Variants in ASB18 observed in about 807,000 individuals in gnomAD.
The protein encoded by ASB18 is ankyrin repeat and SOCS box containing 18.
A neutral mutation model predicts 33.4 loss-of-function variants in ASB18; 33 were observed. The ratio of observed to expected loss-of-function variants is 0.99; its 90% CI spans 0.75 to 1.32. The LOEUF (loss-of-function observed/expected upper bound fraction) is 1.32, where lower values mean the gene tolerates loss of function less well. ASB18 is among the 40% of genes most tolerant of loss of function. The pLI is 0.00. For missense variants in ASB18, 694 were observed against 655.5 expected (o/e 1.06, Z -0.64); for synonymous variants, 295 against 307.6 (o/e 0.96, Z 0.43).
rs949480755 is a variant in ASB18 at position 236,211,615 on chromosome 2, T to C, written c.1101+2747A>G. Among the ~76,000 whole-genome samples, 1 of 152,182 alleles carries C rather than the reference T, an allele frequency of 6.6e-6. No individual in the cohort carries two copies. Among genetic ancestry groups the C allele is most frequent in the Non-Finnish European group, 1.5e-5 (1 of 68,036 alleles). Reference sequence around the variant, plus strand: ...TACGCTCGGCTCGCCATGGCGCCCGTGTGGTGCCTGCCCAGCATCTTTGTG... The same window carrying C: ...TACGCTCGGCTCGCCATGGCGCCCGCGTGGTGCCTGCCCAGCATCTTTGTG... On this transcript the variant is annotated intron_variant, in intron 4 of 5. Transcript: ENST00000409749. The surrounding 1 kb of genome is among the most constrained non-coding windows in gnomAD (Gnocchi z 5.0).
In ASB18 at chr2:236,256,415, G is replaced by T. The variant is rs1408824375; in HGVS notation, c.205+7726C>A. Among the ~76,000 whole-genome samples, 1 of 152,194 alleles carries T rather than the reference G, an allele frequency of 6.6e-6. No homozygotes were observed. Among genetic ancestry groups the T allele is most frequent in the South Asian group, 2.1e-4 (1 of 4,822 alleles). The stretch of plus-strand genomic sequence containing the variant: ...GTCCAATATCCAGGTGCAGAGGTTG[G>T]CATTAAAAGATAGTGGGGCATTGGA... On this transcript the variant is annotated intron_variant, in intron 1 of 5. Coordinates refer to ENST00000409749, the MANE Select transcript of ASB18 (RefSeq NM_212556.4). The surrounding 1 kb of genome is among the most constrained non-coding windows in gnomAD (Gnocchi z 4.7).
rs547568560 is a variant in ASB18 at position 236,209,195 on chromosome 2, T to C, written c.1101+5167A>G. 6.6e-6 allele frequency among the ~76,000 whole-genome samples: 1 copy of C among 152,178 alleles called. No individual in the cohort carries two copies. The highest frequency in any genetic ancestry group is 1.9e-4 in the East Asian group (1 of 5,174). On this transcript the variant is annotated intron_variant, in intron 4 of 5. Transcript: ENST00000409749. This position sits in a 1 kb window ranked among gnomAD's most constrained non-coding sequence, Gnocchi z 4.4. ...TAGGTAAAAAGAAAACATGAAAACT[T>C]TAGGTCTCCATTTTCAGTATGGTTA...
rs35828724 is a variant in ASB18 at position 236,220,553 on chromosome 2, CT to C, written c.597-5688del. Among the ~76,000 whole-genome samples, 46,643 of 143,982 alleles carry C rather than the reference CT, an allele frequency of 0.32. 12,211 individuals are homozygous for C. The highest frequency in any genetic ancestry group is 0.74 in the African/African-American group (29,008 of 39,340). The allele number at this position is 143,982 out of a possible 152,430, so 94.5% of individuals were successfully genotyped here. On this transcript the variant is annotated intron_variant, in intron 3 of 5. Coordinates refer to ENST00000409749, the MANE Select transcript of ASB18 (RefSeq NM_212556.4). The surrounding 1 kb of genome is among the most constrained non-coding windows in gnomAD (Gnocchi z 5.1). ...TCTTTTGGATTCCCCAGTACTTGGCCTTTTTTTTTTTTTTTAAACAACTATT... is the reference window on the plus strand; with the variant it reads ...TCTTTTGGATTCCCCAGTACTTGGCCTTTTTTTTTTTTTTAAACAACTATT...
intron 1 of ASB18, among the ~76,000 whole-genome samples, chr2:236,254,973 C>A (rs1158996330): frequency 6.6e-6 from 1 of 152,080 alleles, no homozygotes; most frequent in Admixed American, 6.5e-5. Flanking sequence ...GTGTGTAGCA[C>A]TCGCGACCCC....
chr2:236,202,098 C>T (rs1207637216), intron 4 of ASB18, among the ~76,000 whole-genome samples: 8 of 151,894 alleles, frequency 5.3e-5, no homozygotes, highest in Non-Finnish European at 8.8e-5. Flanking sequence ...TACAGGGACC[C>T]GCCATCATGC....
rs941317322 is a variant in ASB18, at chr2:236,252,402, G to A, written c.206-11000C>T. ...CGGTGGAATCAGATCACTGCTATAT[G>A]GAGGTACAGGTGTTAAGATGGGGAT... On this transcript the variant is annotated intron_variant, in intron 1 of 5. Transcript: ENST00000409749. This position sits in a 1 kb window ranked among gnomAD's most constrained non-coding sequence, Gnocchi z 7.9. Among the ~76,000 whole-genome samples the A allele has an allele frequency of 1.3e-5, 2 of 152,020 alleles. No individual in the cohort carries two copies. The highest frequency in any genetic ancestry group is 4.1e-4 in the South Asian group (2 of 4,826).
In ASB18 at chr2:236,263,747, A is replaced by G. The variant is rs111676871; in HGVS notation, c.205+394T>C. On this transcript the variant is annotated intron_variant, in intron 1 of 5. Transcript: ENST00000409749. The surrounding 1 kb of genome is among the most constrained non-coding windows in gnomAD (Gnocchi z 4.0). ...TTTAAGTATTTCAGTAGGGGATTGAAATTGGGAAGACTATGTAGCAACATG... is the reference window on the plus strand; with the variant it reads ...TTTAAGTATTTCAGTAGGGGATTGAGATTGGGAAGACTATGTAGCAACATG... Among the ~76,000 whole-genome samples the G allele has an allele frequency of 1.5e-3, 236 of 152,316 alleles. No individual in the cohort carries two copies. Among genetic ancestry groups the G allele is most frequent in the Non-Finnish European group, 2.2e-3 (152 of 68,022 alleles).
In ASB18 at chr2:236,222,731, A is replaced by G. The variant is rs4476300; in HGVS notation, c.597-7865T>C. Among the ~76,000 whole-genome samples, 73,751 of 152,092 alleles carry G rather than the reference A, an allele frequency of 0.48. 22,106 individuals carry two copies. Among genetic ancestry groups the G allele is most frequent in the African/African-American group, 0.86 (35,740 of 41,508 alleles). ...ATGGGTGATCTGGCTGTTTAAAAGC[A>G]TGTGGCAGCCAGGTGTGGTGGCTCA... On this transcript the variant is annotated intron_variant, in intron 3 of 5. Coordinates refer to ENST00000409749, the MANE Select transcript of ASB18 (RefSeq NM_212556.4). This position sits in a 1 kb window ranked among gnomAD's most constrained non-coding sequence, Gnocchi z 5.5.
intron 3 of ASB18, among the ~76,000 whole-genome samples, chr2:236,233,562 AG>A: frequency 6.6e-6 from 1 of 152,330 alleles, no homozygotes. Context: ...TGAGTTTAGA[AG>A]GGTTATAGGA....
Position 236,235,194 on chromosome 2 carries a change from C to A in ASB18, c.596+2495G>T, listed in dbSNP as rs967961343. Among the ~76,000 whole-genome samples, 4 of 152,198 alleles carry A rather than the reference C, an allele frequency of 2.6e-5. No individual in the cohort carries two copies. Among genetic ancestry groups the A allele is most frequent in the Admixed American group, 2.6e-4 (4 of 15,282 alleles). ...CCCTTATAACAATGGTTTTGGTCAACAACAGACCACATATACAATAGTGGT... is the reference window on the plus strand; with the variant it reads ...CCCTTATAACAATGGTTTTGGTCAAAAACAGACCACATATACAATAGTGGT... On this transcript the variant is annotated intron_variant, in intron 3 of 5. Coordinates refer to ENST00000409749, the MANE Select transcript of ASB18 (RefSeq NM_212556.4). The surrounding 1 kb of genome is among the most constrained non-coding windows in gnomAD (Gnocchi z 6.2).
In ASB18 at chr2:236,262,367, C is replaced by T. The variant is rs918644713; in HGVS notation, c.205+1774G>A. The stretch of plus-strand genomic sequence containing the variant: ...CACTTACAGGTGGCAGCAGCCACAG[C>T]GGATGGCCATTCCTAACCCTGTACC... On this transcript the variant is annotated intron_variant, in intron 1 of 5. Coordinates refer to ENST00000409749, the MANE Select transcript of ASB18 (RefSeq NM_212556.4). The surrounding 1 kb of genome is among the most constrained non-coding windows in gnomAD (Gnocchi z 5.2). 2.6e-5 allele frequency among the ~76,000 whole-genome samples: 4 copies of T among 152,292 alleles called. No homozygotes were observed. Among genetic ancestry groups the T allele is most frequent in the Non-Finnish European group, 4.4e-5 (3 of 68,024 alleles).
At position 236,213,578 on chromosome 2, in the gene ASB18, C is replaced by T. The variant is rs1313567987; in HGVS notation, c.1101+784G>A. On this transcript the variant is annotated intron_variant, in intron 4 of 5. Coordinates refer to ENST00000409749, the MANE Select transcript of ASB18 (RefSeq NM_212556.4). The surrounding 1 kb of genome is among the most constrained non-coding windows in gnomAD (Gnocchi z 4.8). ...CTTTTCGGGAGGACAACCTGTTACT[C>T]CAGCCAATATTTTGGAAACATTTTC... is the stretch of plus-strand genomic sequence containing the variant. 1 of 152,164 alleles carries T rather than the reference C, an allele frequency of 6.6e-6. No individual in the cohort carries two copies. The highest frequency in any genetic ancestry group is 1.9e-4 in the East Asian group (1 of 5,200). 9.4% of individuals were successfully genotyped at this position (152,164 alleles called of 1,614,324 possible).
At position 236,237,775 on chromosome 2, in the gene ASB18, C is replaced by T; in HGVS notation, c.510G>A (p.Leu170=). The change falls in exon 3 of 6, where the codon CTG becomes CTA. Residue 170 remains leucine, a synonymous_variant. Coordinates refer to ENST00000409749, the MANE Select transcript of ASB18 (RefSeq NM_212556.4). The surrounding 1 kb of genome is among the most constrained non-coding windows in gnomAD (Gnocchi z 6.2). ...CLGGHTACVR[L]LLQHRADPDL... ...CGGGGTCGGCGCGGTGCTGCAGCAG[C>T]AGGCGGACGCAGGCGGTGTGGCCCC... 1.4e-6 allele frequency: 2 copies of T among 1,442,162 alleles called. No individual in the cohort carries two copies. The highest frequency in any genetic ancestry group is 1.8e-6 in the Non-Finnish European group (2 of 1,102,074). The allele number at this position is 1,442,162 out of a possible 1,614,324, so 89.3% of individuals were successfully genotyped here. A position where few individuals can be genotyped will look rare whatever the true frequency, so the allele number is the denominator to read the frequency against.
intron 4 of ASB18, among the ~76,000 whole-genome samples, chr2:236,212,238 T>A (rs1401979837): frequency 6.6e-6 from 1 of 152,124 alleles, no homozygotes; most frequent in Admixed American, 6.5e-5. Flanking sequence ...CCCATTTCTG[T>A]GTGGCTGACA....
In ASB18 at chr2:236,207,818, A is replaced by C. The variant is rs202081531; in HGVS notation, c.1101+6544T>G. Among the ~76,000 whole-genome samples, 102 of 114,242 alleles carry C rather than the reference A, an allele frequency of 8.9e-4. No homozygotes were observed. The East Asian group carries it at 0.015, about 17-fold the overall frequency. 74.9% of individuals were successfully genotyped at this position (114,242 alleles called of 152,430 possible). The stretch of plus-strand genomic sequence containing the variant: ...ACAGGCTTCCCCCACTGCCTGGCTG[A>C]CTTTTTTTTTTTTTTTTTGGTAATG... On this transcript the variant is annotated intron_variant, in intron 4 of 5. Transcript: ENST00000409749.
At chr2:236,246,553 T>C (rs1392101540) in intron 1 of ASB18, among the ~76,000 whole-genome samples, 1 of 152,014 alleles carries the variant, frequency 6.6e-6, no homozygotes, top group East Asian at 1.9e-4. Context: ...ACCCTGCTGG[T>C]GCATTGGAAA....
chr2:236,241,181 G>C lies in ASB18; in HGVS notation c.328+99C>G. The C allele has an allele frequency of 8.2e-7, 1 of 1,213,880 alleles. No individual in the cohort carries two copies. The highest frequency in any genetic ancestry group is 1.4e-5 in the South Asian group (1 of 72,754). The allele number at this position is 1,213,880 out of a possible 1,614,324, so 75.2% of individuals were successfully genotyped here. A position where few individuals can be genotyped will look rare whatever the true frequency, so the allele number is the denominator to read the frequency against. ...CCTTTTCTTGTGTACGTTAAACCCA[G>C]TGCCACTGTGCCCAGTCTACACACG... On this transcript the variant is annotated intron_variant, in intron 2 of 5. Coordinates refer to ENST00000409749, the MANE Select transcript of ASB18 (RefSeq NM_212556.4). This position sits in a 1 kb window ranked among gnomAD's most constrained non-coding sequence, Gnocchi z 4.2.
At position 236,241,550 on chromosome 2, in the gene ASB18, T is replaced by C; in HGVS notation, c.206-148A>G. 1.1e-6 allele frequency: 1 copy of C among 882,236 alleles called. No individual in the cohort carries two copies. Among genetic ancestry groups the C allele is most frequent in the East Asian group, 2.6e-5 (1 of 38,026 alleles). 54.7% of individuals were successfully genotyped at this position (882,236 alleles called of 1,614,324 possible). On this transcript the variant is annotated intron_variant, in intron 1 of 5. Transcript: ENST00000409749. The surrounding 1 kb of genome is among the most constrained non-coding windows in gnomAD (Gnocchi z 4.2). The stretch of plus-strand genomic sequence containing the variant: ...ATGCCGTCGATTTCAGAAGAGTTCT[T>C]CAGGAACGGGAAAGATGGTCTTATG...
chr2:236,232,164 T>G (rs2060568797), intron 3 of ASB18, among the ~76,000 whole-genome samples: 1 of 152,190 alleles, frequency 6.6e-6, no homozygotes, highest in East Asian at 1.9e-4. Flanking sequence ...AAGTAAATTT[T>G]CTAGCCATAA....
Sources: allele counts gnomAD v4.1 joint callset (sites outside exome capture counted in the v4.1 genomes callset), GRCh38; gene constraint gnomAD v4.1.1; non-coding constraint Gnocchi (gnomAD v3.1); transcripts MANE v1.5; gene names NCBI Gene and HGNC (gene_info 2026-07-23, HGNC 2026-07-21).